The following CHST9 variants were observed in gnomAD, a reference collection of about 807,000 sequenced individuals.
The protein encoded by CHST9 is carbohydrate sulfotransferase 9, also known as GalNAc-4-sulfotransferase 2.
A neutral mutation model predicts 44.4 loss-of-function variants in CHST9; 41 were observed. The ratio of observed to expected loss-of-function variants is 0.92; its 90% CI spans 0.72 to 1.20. The LOEUF (loss-of-function observed/expected upper bound fraction) is 1.20. CHST9 is among the 50% of genes most tolerant of loss of function. The pLI is 0.00. For synonymous variants in CHST9, 171 were observed against 178.4 expected, an observed-to-expected ratio of 0.96 and a Z score of 0.33; for missense variants, 504 against 516.5, an observed-to-expected ratio of 0.98 and a Z score of 0.23.
intron 2 of CHST9, among the ~76,000 whole-genome samples, chr18:27,083,569 A>G (rs926299138): frequency 1.2e-4 from 18 of 152,292 alleles, no homozygotes; most frequent in African/African-American, 4.3e-4. Flanking sequence ...TTCACTACAA[A>G]CCAATTTGTC....
chr18:27,165,083 T>C (rs1479563564), intron 1 of CHST9, among the ~76,000 whole-genome samples: 6 of 152,266 alleles, frequency 3.9e-5, no homozygotes, highest in African/African-American at 1.2e-4. Flanking sequence ...ATAACAGCTG[T>C]GTAACAGGTG....
At chr18:27,093,481 G>A (rs529807876) in intron 2 of CHST9, among the ~76,000 whole-genome samples, 3 of 152,318 alleles carry the variant, frequency 2.0e-5, no homozygotes, top group Admixed American at 1.3e-4. Context: ...CCAGGCTGCC[G>A]TCTCGCAGAT....
chr18:27,076,823 T>G (rs926459603), intron 2 of CHST9, among the ~76,000 whole-genome samples: 3 of 152,156 alleles, frequency 2.0e-5, no homozygotes, highest in African/African-American at 4.8e-5. Context: ...CCATATTATC[T>G]GCACATGATG....
intron 1 of CHST9, among the ~76,000 whole-genome samples, chr18:27,144,574 G>C (rs1476553622): frequency 6.6e-6 from 1 of 152,124 alleles, no homozygotes; most frequent in Non-Finnish European, 1.5e-5. Context: ...TCTAGTCCCA[G>C]ATACTGGAAA....
intron 1 of CHST9, among the ~76,000 whole-genome samples, chr18:27,184,756 G>A (rs2058942488): frequency 6.6e-6 from 1 of 152,138 alleles, no homozygotes; most frequent in African/African-American, 2.4e-5. Flanking sequence ...ACCTCTGCAT[G>A]CCCCAAGAGG....
chr18:26,966,234 T>G (rs1426187081), intron 4 of CHST9, among the ~76,000 whole-genome samples: 1 of 152,198 alleles, frequency 6.6e-6, no homozygotes, highest in Admixed American at 6.5e-5. Context: ...AACTATGCTT[T>G]ATATGACAGC....
At chr18:27,150,084 T>A (rs1349536214) in intron 1 of CHST9, among the ~76,000 whole-genome samples, 1 of 151,896 alleles carries the variant, frequency 6.6e-6, no homozygotes, top group African/African-American at 2.4e-5. Context: ...TACATTCATT[T>A]TAGTGAAAGG....
At chr18:26,919,108 A>T (rs1015857497) in intron 5 of CHST9, among the ~76,000 whole-genome samples, 1 of 152,106 alleles carries the variant, frequency 6.6e-6, no homozygotes, top group Admixed American at 6.6e-5. Context: ...CGAGGACAGC[A>T]TGGGAAAAAC....
At chr18:27,140,440 C>T (rs559031522) in intron 2 of CHST9, among the ~76,000 whole-genome samples, 1 of 152,286 alleles carries the variant, frequency 6.6e-6, no homozygotes, top group South Asian at 2.1e-4. Context: ...GTATTATTAA[C>T]CTGTTTCCTT....
chr18:27,067,506 C>T (rs1020587235), intron 2 of CHST9, among the ~76,000 whole-genome samples: 1 of 152,004 alleles, frequency 6.6e-6, no homozygotes, highest in African/African-American at 2.4e-5. Context: ...TCAAAGGATT[C>T]AACGACTAAC....
chr18:27,071,511 T>A (rs1440944187), intron 2 of CHST9, among the ~76,000 whole-genome samples: 1 of 152,232 alleles, frequency 6.6e-6, no homozygotes, highest in Non-Finnish European at 1.5e-5. Flanking sequence ...CTAGCATAAA[T>A]GAGCAATCAC....
intron 4 of CHST9, among the ~76,000 whole-genome samples, chr18:26,968,218 G>T (rs1278473323): frequency 1.3e-5 from 2 of 152,076 alleles, no homozygotes; most frequent in Non-Finnish European, 2.9e-5. Context: ...GACTAATACA[G>T]TATGGAAATT....
intron 1 of CHST9, among the ~76,000 whole-genome samples, chr18:27,153,874 G>C (rs559188238): frequency 6.6e-6 from 1 of 152,086 alleles, no homozygotes; most frequent in African/African-American, 2.4e-5. Context: ...ATGGTTATGG[G>C]AAGTAATATT....
At chr18:27,125,857 A>G (rs1354544033) in intron 2 of CHST9, among the ~76,000 whole-genome samples, 2 of 152,210 alleles carry the variant, frequency 1.3e-5, no homozygotes, top group African/African-American at 4.8e-5. Flanking sequence ...TGGGTCACAT[A>G]GACAGGCTAC....
chr18:27,104,474 T>C (rs1488032231), intron 2 of CHST9, among the ~76,000 whole-genome samples: 1 of 152,196 alleles, frequency 6.6e-6, no homozygotes, highest in Admixed American at 6.5e-5. Context: ...CCTTAGACTA[T>C]TATGAAAGTC....
At chr18:27,114,182 G>T (rs1015742545) in intron 2 of CHST9, among the ~76,000 whole-genome samples, 1 of 152,162 alleles carries the variant, frequency 6.6e-6, no homozygotes, top group Non-Finnish European at 1.5e-5. Context: ...TGCACTAGGT[G>T]ATGTTTTATG....
intron 2 of CHST9, among the ~76,000 whole-genome samples, chr18:27,072,019 T>C (rs1598698530): frequency 6.6e-6 from 1 of 152,200 alleles, no homozygotes; most frequent in African/African-American, 2.4e-5. Context: ...TATGTATAAG[T>C]GTGGCTGTTA....
In CHST9 at chr18:26,910,867, C is replaced by T. The variant is rs925949981; in HGVS notation, c.*5392G>A. On this transcript the variant is annotated 3_prime_UTR_variant, in exon 6 of 6. Coordinates refer to ENST00000618847, the MANE Select transcript of CHST9 (RefSeq NM_031422.6). ...CTTCATGTCATTAAATGAATGTATG[C>T]AAAGTATTTTTCCCGTGTCTGCTAC... 1.3e-5 allele frequency: 2 copies of T among 152,156 alleles called. No homozygotes were observed. Among genetic ancestry groups the T allele is most frequent in the Non-Finnish European group, 2.9e-5 (2 of 68,040 alleles). 9.4% of individuals were successfully genotyped at this position (152,156 alleles called of 1,614,324 possible).
chr18:27,100,276 A>G (rs1364034607), intron 2 of CHST9, among the ~76,000 whole-genome samples: 1 of 152,158 alleles, frequency 6.6e-6, no homozygotes, highest in Non-Finnish European at 1.5e-5. Flanking sequence ...GGGAGGATGG[A>G]GCCAATGGTT....
Sources: gnomAD v4.1 joint callset for allele counts (sites outside exome capture counted in the v4.1 genomes callset) on GRCh38, gnomAD v4.1.1 for gene constraint, MANE v1.5 for transcripts, NCBI Gene and HGNC (gene_info 2026-07-23, HGNC 2026-07-21) for gene names.